Variants in HLA-DPA1 observed in about 807,000 individuals in gnomAD.
The protein encoded by HLA-DPA1 is HLA class II histocompatibility antigen, DP alpha 1 chain.
Under a neutral mutation model 21.5 loss-of-function variants are expected in HLA-DPA1, and 20 were observed. That is an observed-to-expected ratio of 0.93 (90% CI 0.66 to 1.35). HLA-DPA1 has a LOEUF of 1.35. Ranked by LOEUF, HLA-DPA1 falls within the 40% of genes most tolerant of loss-of-function variation. The probability of loss-of-function intolerance (pLI) is 0.00; values close to 1 mark genes in which losing one functional copy is unlikely to be tolerated. For synonymous variants in HLA-DPA1, 123 were observed against 129.6 expected (o/e 0.95, Z 0.35); for missense variants, 279 against 323.0 (o/e 0.86, Z 1.05).
intron 2 of HLA-DPA1, among the ~76,000 whole-genome samples, chr6:33,071,762 G>T (rs980157290): frequency 1.3e-5 from 2 of 152,206 alleles, no homozygotes; most frequent in Non-Finnish European, 2.9e-5. Flanking sequence ...CTGGGGAACA[G>T]ATGGCTTCAA....
At chr6:33,078,735 A>C (rs1400146627) in intron 1 of HLA-DPA1, among the ~76,000 whole-genome samples, 1 of 152,244 alleles carries the variant, frequency 6.6e-6, no homozygotes, top group Admixed American at 6.5e-5. Context: ...AAATTACCTA[A>C]GACTGGGTAA....
intron 2 of HLA-DPA1, among the ~76,000 whole-genome samples, chr6:33,070,597 G>C (rs1349345375): frequency 6.6e-6 from 1 of 152,200 alleles, no homozygotes; most frequent in Non-Finnish European, 1.5e-5. Flanking sequence ...TGAAACTGTA[G>C]AATGTATAGC....
At chr6:33,074,934 T>G (rs148390329) in intron 1 of HLA-DPA1, among the ~76,000 whole-genome samples, 10 of 152,370 alleles carry the variant, frequency 6.6e-5, no homozygotes, top group Admixed American at 5.2e-4. Flanking sequence ...TTCTCTTGCA[T>G]TTTACATGCT....
At position 33,069,254 on chromosome 6, in the gene HLA-DPA1, GC is replaced by G. The variant is rs780344579; in HGVS notation, c.392del (p.Gly131AlafsTer52). ...TGTGGCAGATGAGGGTGTTGGGCTG[GC>G]CCAGCTCCACAGGCTCCTTGGGAAA... On this transcript the variant is annotated frameshift_variant, in exon 4 of 6. Coordinates refer to ENST00000419277, the Ensembl canonical transcript of HLA-DPA1. LOFTEE classifies it high-confidence loss of function. 2 of 1,612,872 alleles carry G rather than the reference GC, an allele frequency of 1.2e-6. No homozygotes were observed. Among genetic ancestry groups the G allele is most frequent in the African/African-American group, 2.7e-5 (2 of 74,920 alleles).
intron 5 of HLA-DPA1, 63 bp downstream of exon 4, chr6:33,068,575 A>G: frequency 7.5e-7 from 1 of 1,333,056 alleles, no homozygotes; most frequent in Non-Finnish European, 1.0e-6. Flanking sequence ...CACTTATCAG[A>G]TTGAATTTTT....
chr6:33,068,930 C>G (rs1486577100), intron 4 of HLA-DPA1, 89 bp downstream of exon 3: 28 of 1,543,272 alleles, frequency 1.8e-5, no homozygotes, highest in Non-Finnish European at 1.1e-5. Context: ...GGACTGAGAC[C>G]CAGCCAGTGC....
chr6:33,065,012 G>A (rs955978520), exon 6 of HLA-DPA1: 13 of 152,110 alleles, frequency 8.5e-5, no homozygotes, highest in Non-Finnish European at 1.5e-4. Flanking sequence ...GAGTCTCCCC[G>A]CTCTGAAATA....
rs1441348156 is a variant in HLA-DPA1, at chr6:33,080,654, T to A, written c.-100+26A>T. 1.2e-6 allele frequency: 2 copies of A among 1,612,306 alleles called. No homozygotes were observed. Among genetic ancestry groups the A allele is most frequent in the Non-Finnish European group, 1.7e-6 (2 of 1,179,298 alleles). ...GATGAGAGTGGCGCCTCCGCTCATG[T>A]CCGCCCCCTCCCCGCAGAGAATTAC... On this transcript the variant is annotated intron_variant, in intron 1 of 5. Coordinates refer to ENST00000419277, the Ensembl canonical transcript of HLA-DPA1. The surrounding 1 kb of genome is among the most constrained non-coding windows in gnomAD (Gnocchi z 4.3).
chr6:33,073,329 T>C, intron 2 of HLA-DPA1, 142 bp downstream of exon 1: 1 of 615,946 alleles, frequency 1.6e-6, no homozygotes, highest in Admixed American at 2.6e-5. Flanking sequence ...TTGCTGTTAT[T>C]ATTATGAGGG....
chr6:33,068,465 T>A (rs67476989), intron 5 of HLA-DPA1, 173 bp downstream of exon 4: 1 of 535,820 alleles, frequency 1.9e-6, no homozygotes, highest in Non-Finnish European at 3.3e-6. Flanking sequence ...TAAATGTAAA[T>A]CCTCAGAATA....
chr6:33,073,666 A>T lies in HLA-DPA1; in HGVS notation c.-96T>A. On this transcript the variant is annotated 5_prime_UTR_variant, in exon 2 of 6. Coordinates refer to ENST00000419277, the Ensembl canonical transcript of HLA-DPA1. ...GATGAGACTGAAACTGTGGGCCTCTAGCACTGGAAATGGGTGGAGAGGAAT... is the reference window on the plus strand; with the variant it reads ...GATGAGACTGAAACTGTGGGCCTCTTGCACTGGAAATGGGTGGAGAGGAAT... 1 of 805,988 alleles carries T rather than the reference A, an allele frequency of 1.2e-6. No individual in the cohort carries two copies. 49.9% of individuals were successfully genotyped at this position (805,988 alleles called of 1,614,324 possible). A position where few individuals can be genotyped will look rare whatever the true frequency, so the allele number is the denominator to read the frequency against.
At chr6:33,068,054 A>G (rs1040240647) in intron 5 of HLA-DPA1, 1 of 152,254 alleles carries the variant, frequency 6.6e-6, no homozygotes, top group African/African-American at 2.4e-5. Context: ...GAGTGTTATG[A>G]TAAATAGAAA....
In HLA-DPA1 at chr6:33,073,868, A is replaced by C. The variant is rs141506406; in HGVS notation, c.-99-199T>G. ...GAGTTAGAGAAAGAGATGTAAAAAGATAAGTTACACCTTCTTCTGACGGCA... is the reference window on the plus strand; with the variant it reads ...GAGTTAGAGAAAGAGATGTAAAAAGCTAAGTTACACCTTCTTCTGACGGCA... On this transcript the variant is annotated intron_variant, in intron 1 of 5. Transcript: ENST00000419277. The C allele has an allele frequency of 1.5e-4, 51 of 346,002 alleles. 1 individual carries two copies. Among genetic ancestry groups the C allele is most frequent in the African/African-American group, 9.0e-4 (43 of 47,892 alleles). The allele number at this position is 346,002 out of a possible 1,614,324, so 21.4% of individuals were successfully genotyped here.
At chr6:33,079,528 C>G in intron 1 of HLA-DPA1, 1 of 374,328 alleles carries the variant, frequency 2.7e-6, no homozygotes. Flanking sequence ...ACCAATCAGA[C>G]TGAAATGTCA....
At chr6:33,069,139 G>A in exon 4 of HLA-DPA1, 2 of 1,613,016 alleles carry the variant, frequency 1.2e-6, no homozygotes, top group Non-Finnish European at 1.7e-6. Flanking sequence ...TCTGTTCTGG[G>A]CAGGAAGAGG....
intron 3 of HLA-DPA1, 166 bp downstream of exon 2, chr6:33,069,475 A>T: frequency 9.5e-7 from 1 of 1,057,894 alleles, no homozygotes; most frequent in Non-Finnish European, 1.4e-6. Context: ...CTCTCTCCTG[A>T]GAAGAGAGGA....
intron 1 of HLA-DPA1, among the ~76,000 whole-genome samples, chr6:33,074,553 A>G (rs1211646517): frequency 2.6e-5 from 4 of 152,226 alleles, no homozygotes; most frequent in African/African-American, 9.6e-5. Flanking sequence ...AGAAGGTCAC[A>G]AAACATTTAC....
intron 1 of HLA-DPA1, among the ~76,000 whole-genome samples, chr6:33,073,996 G>A (rs1762417836): frequency 6.6e-6 from 1 of 152,126 alleles, no homozygotes; most frequent in Non-Finnish European, 1.5e-5. Flanking sequence ...CATGTTTTAT[G>A]TTATGTTGTC....
chr6:33,080,584 G>T lies in HLA-DPA1; in HGVS notation c.-100+96C>A. On this transcript the variant is annotated intron_variant, in intron 1 of 5. Coordinates refer to ENST00000419277, the Ensembl canonical transcript of HLA-DPA1. The surrounding 1 kb of genome is among the most constrained non-coding windows in gnomAD (Gnocchi z 4.3). ...AATCCAGCCCTGGGTGGGAAGATTTGGGAAGAATCGTTAATATTGAGAGAG... is the reference window on the plus strand; with the variant it reads ...AATCCAGCCCTGGGTGGGAAGATTTTGGAAGAATCGTTAATATTGAGAGAG... The T allele has an allele frequency of 6.3e-7, 1 of 1,581,214 alleles. No homozygotes were observed. The highest frequency in any genetic ancestry group is 8.7e-7 in the Non-Finnish European group (1 of 1,153,048).
Sources: allele counts gnomAD v4.1 joint callset (sites outside exome capture counted in the v4.1 genomes callset), GRCh38; gene constraint gnomAD v4.1.1; non-coding constraint Gnocchi (gnomAD v3.1); transcripts MANE v1.5; gene names NCBI Gene and HGNC (gene_info 2026-07-23, HGNC 2026-07-21).